The following NLRP14 variants were observed in gnomAD, a reference collection of about 807,000 sequenced individuals.
The protein encoded by NLRP14 is NACHT, LRR and PYD domains-containing protein 14.
In NLRP14, 105 loss-of-function variants were observed where a neutral mutation model predicts 94.7. The ratio of observed to expected loss-of-function variants is 1.11; its 90% CI spans 0.95 to 1.30. The LOEUF is 1.30. Among genes scored for constraint, NLRP14 ranks in the 50% most tolerant of loss-of-function variants. NLRP14 has a pLI of 0.00. For synonymous variants in NLRP14, 508 were observed against 459.9 expected (o/e 1.10, Z -1.34); for missense variants, 1,362 against 1,254.1 (o/e 1.09, Z -1.30).
intron 6 of NLRP14, among the ~76,000 whole-genome samples, chr11:7,054,471 T>C (rs1330484590): frequency 6.6e-6 from 1 of 152,156 alleles, no homozygotes; most frequent in Admixed American, 6.6e-5. Context: ...CCAGTATTTG[T>C]TATTGACTGA....
chr11:7,033,382 A>G (rs1026160319), intron 1 of NLRP14, among the ~76,000 whole-genome samples: 1 of 152,198 alleles, frequency 6.6e-6, no homozygotes, highest in African/African-American at 2.4e-5. Context: ...AATTTCCCCA[A>G]TTTTTAATAT....
At chr11:7,089,490 C>T in the NLRP14 span, 20 of 1,239,386 alleles carry the variant, frequency 1.6e-5, no homozygotes, top group South Asian at 2.7e-5. Context: ...TTCCCCATCC[C>T]GGGGCGGGCC....
downstream of NLRP14, among the ~76,000 whole-genome samples, chr11:7,074,431 C>A (rs1460431579): frequency 6.6e-6 from 1 of 152,222 alleles, no homozygotes; most frequent in Non-Finnish European, 1.5e-5. Context: ...AGTGGTGACA[C>A]CTCTTTCACA....
rs1429383031 is a variant in NLRP14, at chr11:7,043,338, A to G, written c.1312A>G (p.Met438Val). ...CQVAAKGIWT[M>V]TYVFYRENLR... ...AGTCGCTGCCAAAGGAATATGGACT[A>G]TGACTTACGTGTTTTACAGAGAAAA... The change falls in exon 4 of 12, where the codon ATG (methionine) becomes GTG (valine). Residue 438 changes from methionine (M) to valine (V), a missense_variant. Physicochemically the swap from Met to Val is conservative, Grantham distance 21 (BLOSUM62 1). Coordinates refer to ENST00000299481, the MANE Select transcript of NLRP14 (RefSeq NM_176822.4). 2.5e-6 allele frequency: 4 copies of G among 1,614,196 alleles called. No homozygotes were observed. The highest frequency in any genetic ancestry group is 1.1e-5 in the South Asian group (1 of 91,084).
At chr11:7,036,368 A>T (rs1376115038) in intron 1 of NLRP14, among the ~76,000 whole-genome samples, 1 of 152,162 alleles carries the variant, frequency 6.6e-6, no homozygotes. Context: ...AGTATATTCT[A>T]CTCTACTATA....
chr11:7,043,179 A>T lies in NLRP14; in HGVS notation c.1153A>T (p.Lys385Ter). 2 of 1,614,104 alleles carry T rather than the reference A, an allele frequency of 1.2e-6. No individual in the cohort carries two copies. Among genetic ancestry groups the T allele is most frequent in the Non-Finnish European group, 1.7e-6 (2 of 1,180,024 alleles). Residue 385 changes from lysine to a stop codon, truncating the protein, a stop_gained, in exon 4 of 12, where the codon AAG becomes TAG. Coordinates refer to ENST00000299481, the MANE Select transcript of NLRP14 (RefSeq NM_176822.4). LOFTEE classifies it high-confidence loss of function. ...TACTTGTCTGAAGCAGCAAATGGAG[A>T]AGGGTGGTGATGTCACATTGACCTG... ...ACTCLKQQME[K>*]GGDVTLTCQT... is the part of the protein sequence containing the mutation.
At chr11:7,076,686 CT>C in the NLRP14 span, among the ~76,000 whole-genome samples, 31 of 149,240 alleles carry the variant, frequency 2.1e-4, no homozygotes, top group East Asian at 2.2e-3. Flanking sequence ...CACCGTGTTT[CT>C]TTTTTTTTTC....
intron 1 of NLRP14, among the ~76,000 whole-genome samples, chr11:7,022,049 C>G (rs772018765): frequency 4.6e-5 from 7 of 151,948 alleles, no homozygotes; most frequent in Non-Finnish European, 8.8e-5. Flanking sequence ...ATATGAATAA[C>G]AAAGAGCACC....
At chr11:7,083,009 C>G in the NLRP14 span, among the ~76,000 whole-genome samples, 10 of 152,190 alleles carry the variant, frequency 6.6e-5, no homozygotes, top group African/African-American at 1.4e-4. Context: ...GCAGTTGCAG[C>G]CTTGAGCCTG....
downstream of NLRP14, among the ~76,000 whole-genome samples, chr11:7,074,579 T>G (rs1032470507): frequency 1.3e-5 from 2 of 152,262 alleles, no homozygotes; most frequent in South Asian, 4.1e-4. Context: ...AAAATTCTTA[T>G]ATTTCTGAAA....
the NLRP14 span, chr11:7,089,403 G>T: frequency 1.1e-5 from 18 of 1,588,816 alleles, no homozygotes; most frequent in Non-Finnish European, 1.4e-5. Context: ...CAGCCGGCGG[G>T]GCCCGCCGCC....
intron 1 of NLRP14, among the ~76,000 whole-genome samples, chr11:7,031,113 A>G (rs540679897): frequency 1.3e-5 from 2 of 152,184 alleles, no homozygotes; most frequent in African/African-American, 4.8e-5. Flanking sequence ...TAAGGGCCAG[A>G]GTGCGTTCCC....
chr11:7,032,564 A>G (rs1852113164), intron 1 of NLRP14, among the ~76,000 whole-genome samples: 1 of 152,168 alleles, frequency 6.6e-6, no homozygotes, highest in Non-Finnish European at 1.5e-5. Flanking sequence ...TAACATTTAT[A>G]TTAACTCCTT....
At chr11:7,067,061 A>G (rs948609530) in intron 10 of NLRP14, among the ~76,000 whole-genome samples, 4 of 152,134 alleles carry the variant, frequency 2.6e-5, no homozygotes, top group Admixed American at 1.3e-4. Context: ...ATTGGTCTAT[A>G]TATCTGTTTT....
chr11:7,028,317 G>A (rs1231930085), intron 1 of NLRP14, among the ~76,000 whole-genome samples: 10 of 151,824 alleles, frequency 6.6e-5, no homozygotes, highest in Admixed American at 6.6e-4. Context: ...CCTTTCTTTT[G>A]TCTTACCTCC....
intron 1 of NLRP14, among the ~76,000 whole-genome samples, chr11:7,035,338 T>A (rs1322046640): frequency 6.6e-6 from 1 of 151,984 alleles, no homozygotes; most frequent in African/African-American, 2.4e-5. Flanking sequence ...AAAAACGAAG[T>A]TGTTCACTTA....
downstream of NLRP14, among the ~76,000 whole-genome samples, chr11:7,075,125 C>T (rs540265069): frequency 6.6e-5 from 10 of 152,194 alleles, no homozygotes; most frequent in Middle Eastern, 3.4e-3. Flanking sequence ...TCTGACCTCC[C>T]GTCTCTCCTG....
At chr11:7,087,384 T>TG in the NLRP14 span, among the ~76,000 whole-genome samples, 4 of 152,244 alleles carry the variant, frequency 2.6e-5, no homozygotes, top group African/African-American at 9.6e-5. Context: ...AGTAGCTGCC[T>TG]GGTCTTCCTT....
the NLRP14 span, chr11:7,089,681 A>G: frequency 1.6e-5 from 23 of 1,423,250 alleles, no homozygotes; most frequent in East Asian, 5.8e-5. Flanking sequence ...TGCGGGGGCG[A>G]GACGGCTACT....
Sources: gnomAD v4.1 joint callset for allele counts (sites outside exome capture counted in the v4.1 genomes callset) on GRCh38, gnomAD v4.1.1 for gene constraint, MANE v1.5 for transcripts, NCBI Gene and HGNC (gene_info 2026-07-23, HGNC 2026-07-21) for gene names.